DCUN1D2: variants seen among roughly 807,000 people sequenced by gnomAD.
DCUN1D2 encodes the protein DCN1-like protein 2.
Under a neutral mutation model 30.9 loss-of-function variants are expected in DCUN1D2, and 29 were observed. The ratio of observed to expected loss-of-function variants is 0.94; its 90% CI spans 0.70 to 1.28. DCUN1D2 has a LOEUF of 1.28. Ranked by LOEUF, DCUN1D2 falls within the 50% of genes most tolerant of loss-of-function variation. The probability of loss-of-function intolerance (pLI) is 0.00; values close to 1 mark genes in which losing one functional copy is unlikely to be tolerated. For synonymous variants in DCUN1D2, 121 were observed against 115.3 expected (o/e 1.05, Z -0.32); for missense variants, 325 against 316.9 (o/e 1.03, Z -0.19).
rs1026971928 is a variant in DCUN1D2, at chr13:113,457,095, G to C, written c.*934C>G. ...GGGTTTCACCATGTTGGCCAGGCTG[G>C]TCTCAAACTCCTGACCTCAGGTGAT... On this transcript the variant is annotated 3_prime_UTR_variant, in exon 7 of 7. Coordinates refer to ENST00000478244, the MANE Select transcript of DCUN1D2 (RefSeq NM_001014283.2). The C allele has an allele frequency of 6.6e-6, 1 of 152,016 alleles. No homozygotes were observed. Among genetic ancestry groups the C allele is most frequent in the Non-Finnish European group, 1.5e-5 (1 of 67,996 alleles). 9.4% of individuals were successfully genotyped at this position (152,016 alleles called of 1,614,324 possible). A position where few individuals can be genotyped will look rare whatever the true frequency, so the allele number is the denominator to read the frequency against.
At chr13:113,464,542 T>C (rs1451035906) in intron 4 of DCUN1D2, among the ~76,000 whole-genome samples, 1 of 152,232 alleles carries the variant, frequency 6.6e-6, no homozygotes, top group Non-Finnish European at 1.5e-5. Flanking sequence ...GAAATTACCA[T>C]GGAATGAAGT....
intron 4 of DCUN1D2, among the ~76,000 whole-genome samples, chr13:113,464,189 G>T (rs1046650681): frequency 2.3e-4 from 35 of 152,158 alleles, no homozygotes; most frequent in Admixed American, 1.3e-4. Flanking sequence ...ATGAAGCAAA[G>T]AAACAAAACC....
At chr13:113,478,848 TTTA>T (rs2044659835) in intron 3 of DCUN1D2, 1 of 152,132 alleles carries the variant, frequency 6.6e-6, no homozygotes. Context: ...AATAGCCCAG[TTTA>T]TTGTCAATTT....
intron 4 of DCUN1D2, among the ~76,000 whole-genome samples, chr13:113,469,839 G>A (rs565944871): frequency 2.6e-5 from 4 of 152,018 alleles, no homozygotes; most frequent in African/African-American, 7.2e-5. Context: ...ACCCTGTCTC[G>A]AAATAAATCA....
At chr13:113,476,170 T>C (rs1331781717) in intron 3 of DCUN1D2, 2 of 152,222 alleles carry the variant, frequency 1.3e-5, no homozygotes, top group Non-Finnish European at 2.9e-5. Context: ...TTTGGAGTAA[T>C]GGTGTCAACA....
At position 113,458,064 on chromosome 13, in the gene DCUN1D2, G is replaced by T; in HGVS notation, c.745C>A (p.Pro249Thr). 1 of 1,614,152 alleles carries T rather than the reference G, an allele frequency of 6.2e-7. No homozygotes were observed. Among genetic ancestry groups the T allele is most frequent in the Non-Finnish European group, 8.5e-7 (1 of 1,180,028 alleles). The change falls in exon 7 of 7, where the codon CCA (proline) becomes ACA (threonine). Residue 249 changes from proline (P) to threonine (T), a missense_variant. Pro to Thr is a conservative substitution (Grantham distance 38, BLOSUM62 -1). Transcript: ENST00000478244. Reference protein sequence around the residue: ...LIDDFVEYARPVVTGGKRSLF With the variant: ...LIDDFVEYARTVVTGGKRSLF ...CTGCGTTTTCCACCTGTGACTACTG[G>T]CCGTGCATATTCTACAAAATCATCT... is the stretch of plus-strand genomic sequence containing the variant.
chr13:113,476,598 T>C (rs2044621790), intron 3 of DCUN1D2, among the ~76,000 whole-genome samples: 1 of 152,246 alleles, frequency 6.6e-6, no homozygotes, highest in Non-Finnish European at 1.5e-5. Flanking sequence ...ACACACAACA[T>C]GGATTGCCTT....
intron 4 of DCUN1D2, chr13:113,462,845 C>A: frequency 8.0e-7 from 1 of 1,246,364 alleles, no homozygotes; most frequent in Non-Finnish European, 1.0e-6. Flanking sequence ...CTATATTCAA[C>A]TCATCTTAAT....
intron 4 of DCUN1D2, among the ~76,000 whole-genome samples, chr13:113,472,558 C>A (rs541953549): frequency 2.4e-4 from 36 of 152,294 alleles, no homozygotes; most frequent in African/African-American, 8.2e-4. Context: ...GACCCTCGGT[C>A]GAAGGAAGCA....
At position 113,474,273 on chromosome 13, in the gene DCUN1D2, G is replaced by C; in HGVS notation, c.390-19C>G. On this transcript the variant is annotated intron_variant, in intron 3 of 6. Transcript: ENST00000478244. Reference sequence around the variant, plus strand: ...GTCACACCTGCGATGACAGAGAGTGGTTTGTCTTGCAGCAGATGCGCCTCC... The same window carrying C: ...GTCACACCTGCGATGACAGAGAGTGCTTTGTCTTGCAGCAGATGCGCCTCC... 6.2e-7 allele frequency: 1 copy of C among 1,612,264 alleles called. No homozygotes were observed. The highest frequency in any genetic ancestry group is 8.5e-7 in the Non-Finnish European group (1 of 1,178,680).
At chr13:113,464,824 T>A (rs1340037158) in intron 4 of DCUN1D2, among the ~76,000 whole-genome samples, 1 of 152,218 alleles carries the variant, frequency 6.6e-6, no homozygotes. Flanking sequence ...CCACTGCGTT[T>A]TGAGGTGTTT....
chr13:113,464,340 C>T (rs1322110771), intron 4 of DCUN1D2, among the ~76,000 whole-genome samples: 1 of 152,182 alleles, frequency 6.6e-6, no homozygotes, highest in Non-Finnish European at 1.5e-5. Flanking sequence ...GCCTGTTCTG[C>T]CACTGAAAGC....
chr13:113,458,220 G>A, intron 6 of DCUN1D2, 112 bp from the exon 7 acceptor site: 1 of 897,046 alleles, frequency 1.1e-6, no homozygotes. Context: ...ATGACTTGAG[G>A]TCCACACCAT....
Position 113,481,580 on chromosome 13 carries a change from T to G in DCUN1D2, c.221-837A>C, listed in dbSNP as rs546795645. On this transcript the variant is annotated intron_variant, in intron 2 of 6. Coordinates refer to ENST00000478244, the MANE Select transcript of DCUN1D2 (RefSeq NM_001014283.2). ...TAAGTAGTATACTACCACATATATA[T>G]AGTTACCAAAGAAAAATTGGTGGCT... is the stretch of plus-strand genomic sequence containing the variant. 4.6e-5 allele frequency among the ~76,000 whole-genome samples: 7 copies of G among 152,296 alleles called. No individual in the cohort carries two copies. The South Asian group carries it at 1.5e-3, about 32-fold the overall frequency.
intron 3 of DCUN1D2, among the ~76,000 whole-genome samples, chr13:113,479,262 C>G (rs1204997010): frequency 6.6e-5 from 10 of 152,112 alleles, no homozygotes; most frequent in Non-Finnish European, 1.5e-4. Context: ...TTGTATCTTT[C>G]TCTTTGTAGT....
upstream of DCUN1D2, chr13:113,491,248 G>T (rs2045005179): frequency 6.6e-6 from 1 of 152,316 alleles, no homozygotes; most frequent in Admixed American, 6.5e-5. Context: ...CGGGCCGGAC[G>T]GGCGGGCGCG....
intron 4 of DCUN1D2, among the ~76,000 whole-genome samples, chr13:113,467,539 T>C (rs1244564143): frequency 6.7e-6 from 1 of 150,186 alleles, no homozygotes; most frequent in Admixed American, 6.6e-5. Context: ...CAAAGTAAAA[T>C]GTCAGCTTAT....
intron 3 of DCUN1D2, among the ~76,000 whole-genome samples, chr13:113,480,238 C>T (rs1322443070): frequency 2.0e-5 from 3 of 151,954 alleles, no homozygotes; most frequent in Non-Finnish European, 2.9e-5. Context: ...AGAAATTCTA[C>T]GTTTAATATA....
At chr13:113,490,739 T>C, upstream of DCUN1D2, 2 of 1,164,032 alleles carry the variant, frequency 1.7e-6, no homozygotes. This position sits in a 1 kb window ranked among gnomAD's most constrained non-coding sequence, Gnocchi z 5.2. Flanking sequence ...TCCGCCCTCG[T>C]CCTCGGACGG....
Sources: allele counts gnomAD v4.1 joint callset (sites outside exome capture counted in the v4.1 genomes callset), GRCh38; gene constraint gnomAD v4.1.1; non-coding constraint Gnocchi (gnomAD v3.1); transcripts MANE v1.5; gene names NCBI Gene and HGNC (gene_info 2026-07-23, HGNC 2026-07-21).